EEIG1: variants seen among roughly 807,000 people sequenced by gnomAD.
The protein encoded by EEIG1 is estrogen-induced osteoclastogenesis regulator 1.
chr9:127,942,908 TGCCCACAAGCTGCACGG>T, the EEIG1 span: 1 of 490,910 alleles, frequency 2.0e-6, no homozygotes, highest in Non-Finnish European at 3.7e-6. Context: ...AGCTCCTTCT[TGCCCACAAGCTGCACGG>T]GCCCGCCTGG....
At chr9:127,961,269 C>T in the EEIG1 span, among the ~76,000 whole-genome samples, 1 of 78,724 alleles carries the variant, frequency 1.3e-5, no homozygotes, top group African/African-American at 4.2e-5. Flanking sequence ...AGCAGCTGGG[C>T]ACCCCCAGGC....
At chr9:127,955,921 CTGT>C in the EEIG1 span, among the ~76,000 whole-genome samples, 3 of 152,252 alleles carry the variant, frequency 2.0e-5, no homozygotes, top group African/African-American at 2.4e-5. Context: ...GTCGTGGCTG[CTGT>C]TGTGGGAGCA....
the EEIG1 span, among the ~76,000 whole-genome samples, chr9:127,968,302 A>G: frequency 6.6e-6 from 1 of 152,068 alleles, no homozygotes; most frequent in African/African-American, 2.4e-5. Flanking sequence ...GACTCAAGTC[A>G]TGGGGCTGCC....
chr9:127,953,835 G>A, the EEIG1 span: 3 of 1,614,008 alleles, frequency 1.9e-6, no homozygotes, highest in Admixed American at 3.3e-5. Flanking sequence ...AGACACAGGG[G>A]TCCAGCAGGC....
At chr9:127,947,963 A>G in the EEIG1 span, 2 of 1,294,426 alleles carry the variant, frequency 1.5e-6, no homozygotes, top group East Asian at 4.6e-5. Context: ...ACACCCTCCC[A>G]CCATCACTCT....
the EEIG1 span, chr9:127,950,761 G>T: frequency 7.6e-7 from 1 of 1,316,898 alleles, no homozygotes; most frequent in Non-Finnish European, 9.8e-7. Flanking sequence ...TCCCTGAGCT[G>T]CACAAAGCAC....
chr9:127,977,017 G>T, the EEIG1 span, among the ~76,000 whole-genome samples: 829 of 152,226 alleles, frequency 5.4e-3, 4 homozygotes, highest in African/African-American at 0.019. Flanking sequence ...ACGGGTGGAG[G>T]GGGTAGGAAC....
At chr9:127,953,642 C>A in the EEIG1 span, 11 of 1,612,784 alleles carry the variant, frequency 6.8e-6, no homozygotes, top group Admixed American at 6.7e-5. Context: ...AAGTTGACTG[C>A]AGAATCCCAG....
At chr9:127,945,003 G>C in the EEIG1 span, 21 of 1,334,936 alleles carry the variant, frequency 1.6e-5, no homozygotes, top group Non-Finnish European at 2.2e-5. This position sits in a 1 kb window ranked among gnomAD's most constrained non-coding sequence, Gnocchi z 6.5. Context: ...CGCTCAGAAT[G>C]TCCCTGTGCG....
At chr9:127,971,662 C>G in the EEIG1 span, among the ~76,000 whole-genome samples, 1 of 152,146 alleles carries the variant, frequency 6.6e-6, no homozygotes, top group Admixed American at 6.5e-5. Context: ...CAACCCACAG[C>G]AGGAAGCCCC....
chr9:127,960,196 G>A, the EEIG1 span, among the ~76,000 whole-genome samples: 2 of 152,186 alleles, frequency 1.3e-5, no homozygotes, highest in Non-Finnish European at 2.9e-5. Flanking sequence ...CTGAAGTGGG[G>A]ACTGAGCAAA....
the EEIG1 span, among the ~76,000 whole-genome samples, chr9:127,968,340 C>G: frequency 2.6e-5 from 4 of 152,212 alleles, no homozygotes; most frequent in Non-Finnish European, 5.9e-5. Flanking sequence ...TACCCTCCAT[C>G]CCAGCCCATC....
chr9:127,946,020 C>A, the EEIG1 span, among the ~76,000 whole-genome samples: 1 of 152,272 alleles, frequency 6.6e-6, no homozygotes, highest in African/African-American at 2.4e-5. Context: ...ACTGCCTCCA[C>A]TACCCACAAC....
the EEIG1 span, among the ~76,000 whole-genome samples, chr9:127,973,924 C>T: frequency 1.3e-5 from 2 of 152,210 alleles, no homozygotes; most frequent in Non-Finnish European, 2.9e-5. The surrounding 1 kb of genome is among the most constrained non-coding windows in gnomAD (Gnocchi z 4.2). Flanking sequence ...CAAGAGGCAG[C>T]TGTAAAGCCC....
the EEIG1 span, chr9:127,944,968 C>T: frequency 6.5e-7 from 1 of 1,546,130 alleles, no homozygotes; most frequent in Non-Finnish European, 8.8e-7. Context: ...AGAACGACGA[C>T]AATAATGCCA....
chr9:127,980,068 C>T, the EEIG1 span: 2 of 1,613,994 alleles, frequency 1.2e-6, no homozygotes, highest in Admixed American at 1.7e-5. Context: ...ACGAAGGGAA[C>T]CGCAGTCAGC....
the EEIG1 span, chr9:127,944,735 T>G: frequency 6.2e-7 from 1 of 1,611,672 alleles, no homozygotes; most frequent in African/African-American, 1.3e-5. Flanking sequence ...GGCCAGCCCT[T>G]GGAGCAGGTG....
chr9:127,969,306 T>C, the EEIG1 span, among the ~76,000 whole-genome samples: 5 of 152,210 alleles, frequency 3.3e-5, no homozygotes, highest in East Asian at 9.7e-4. Context: ...AATGGCCTGG[T>C]TCTAATCACA....
chr9:127,941,667 C>G, the EEIG1 span: 5 of 152,130 alleles, frequency 3.3e-5, no homozygotes, highest in Non-Finnish European at 5.9e-5. Context: ...AGATGGGGAG[C>G]TAGGGAAGGA....
Sources: allele counts gnomAD v4.1 joint callset (sites outside exome capture counted in the v4.1 genomes callset), GRCh38; gene constraint gnomAD v4.1.1; non-coding constraint Gnocchi (gnomAD v3.1); transcripts MANE v1.5; gene names NCBI Gene and HGNC (gene_info 2026-07-23, HGNC 2026-07-21).